The following SPRY3 variants were observed in gnomAD, a reference collection of about 807,000 sequenced individuals.
SPRY3 encodes sprouty RTK signaling antagonist 3.
SPRY3 carries 15 observed loss-of-function variants against 20.2 expected under a neutral mutation model. The observed-to-expected ratio is 0.74, with a 90% CI of 0.50 to 1.14. SPRY3 has a LOEUF of 1.14. Among genes scored for constraint, SPRY3 ranks in the 50% most tolerant of loss-of-function variants. SPRY3 has a pLI of 0.00. For synonymous variants in SPRY3, 143 were observed against 136.5 expected (o/e 1.05, Z -0.33); for missense variants, 364 against 363.9 (o/e 1.00, Z 0.00).
chrX:155,638,734 T>TCCC (rs1557351238), intron 1 of SPRY3, among the ~76,000 whole-genome samples: 3 of 111,170 alleles, frequency 2.7e-5, no homozygotes, highest in Admixed American at 9.6e-5. Flanking sequence ...TTTAAGCCCA[T>TCCC]CAATACGATA....
chrX:155,734,324 G>A (rs966859757), intron 2 of SPRY3, among the ~76,000 whole-genome samples: 4 of 152,022 alleles, frequency 2.6e-5, no homozygotes, highest in African/African-American at 9.7e-5. Flanking sequence ...GCCCTGAGGA[G>A]AAGGAAAGAG....
intron 2 of SPRY3, among the ~76,000 whole-genome samples, chrX:155,721,838 G>A (rs1602963523): frequency 6.6e-6 from 1 of 152,234 alleles, no homozygotes. Context: ...AGAGAAGGAT[G>A]TTAACGAGCA....
At chrX:155,778,839 A>T (rs2091445996), downstream of SPRY3, 1 of 167,076 alleles carries the variant, frequency 6.0e-6, no homozygotes. Flanking sequence ...GAGTGGAATT[A>T]TGACTTTATA....
At chrX:155,635,149 T>G (rs2067919177) in intron 1 of SPRY3, among the ~76,000 whole-genome samples, 1 of 110,485 alleles carries the variant, frequency 9.1e-6, no homozygotes, top group South Asian at 3.9e-4. Flanking sequence ...TGGTTTTTTG[T>G]TTTTGTGTTA....
At chrX:155,754,991 A>G (rs757281125) in intron 2 of SPRY3, among the ~76,000 whole-genome samples, 9 of 151,482 alleles carry the variant, frequency 5.9e-5, no homozygotes, top group Admixed American at 6.6e-5. Context: ...TTAAATAGGG[A>G]ATTTGCTATG....
intron 3 of SPRY3, among the ~76,000 whole-genome samples, chrX:155,770,615 T>C (rs2091374586): frequency 6.9e-6 from 1 of 144,322 alleles, no homozygotes; most frequent in African/African-American, 2.5e-5. Flanking sequence ...TTTAATAATA[T>C]GTGATGTGTA....
intron 3 of SPRY3, among the ~76,000 whole-genome samples, chrX:155,770,763 G>C (rs1218675484): frequency 2.0e-5 from 3 of 152,084 alleles, no homozygotes; most frequent in African/African-American, 7.2e-5. Flanking sequence ...CATTCACGTA[G>C]TGGTACTTTT....
intron 2 of SPRY3, among the ~76,000 whole-genome samples, chrX:155,705,295 A>T (rs1423858882): frequency 6.6e-6 from 1 of 151,510 alleles, no homozygotes; most frequent in African/African-American, 2.4e-5. Flanking sequence ...AAGTAGGAGA[A>T]TAATATTTGC....
chrX:155,721,956 A>T lies in SPRY3; in HGVS notation c.-281-46006A>T, dbSNP rs190456505. On this transcript the variant is annotated intron_variant, in intron 2 of 3. Transcript: ENST00000675360. ...TGGTGTGTAAACTACCCTTGTCCTAAGTAGAAAGAATAAATGATGGACCAA... is the reference window on the plus strand; with the variant it reads ...TGGTGTGTAAACTACCCTTGTCCTATGTAGAAAGAATAAATGATGGACCAA... 2.2e-3 allele frequency among the ~76,000 whole-genome samples: 334 copies of T among 152,060 alleles called. 1 individual carries two copies. The highest frequency in any genetic ancestry group is 7.6e-3 in the African/African-American group (316 of 41,532).
At chrX:155,756,439 G>A (rs1179598069) in intron 2 of SPRY3, among the ~76,000 whole-genome samples, 4 of 152,080 alleles carry the variant, frequency 2.6e-5, no homozygotes, top group Non-Finnish European at 1.5e-5. Flanking sequence ...TACACATCTG[G>A]CATACCACTG....
intron 1 of SPRY3, among the ~76,000 whole-genome samples, chrX:155,639,593 C>A (rs781979282): frequency 8.9e-6 from 1 of 112,235 alleles, no homozygotes; most frequent in East Asian, 2.8e-4. Flanking sequence ...TATGTATACA[C>A]CACATTTTAT....
chrX:155,688,632 T>C (rs1035586743), intron 2 of SPRY3, among the ~76,000 whole-genome samples: 1 of 111,472 alleles, frequency 9.0e-6, no homozygotes, highest in Non-Finnish European at 1.9e-5. Context: ...TCTCTAATGA[T>C]CAGTGATGTT....
intron 3 of SPRY3, 118 bp downstream of exon 2, chrX:155,768,254 G>C (rs938717394): frequency 2.6e-5 from 4 of 151,376 alleles, no homozygotes; most frequent in Non-Finnish European, 3.0e-5. Context: ...CCGCGCGCTT[G>C]GGCGCGCGCG....
At chrX:155,632,264 C>G (rs1038659615) in intron 1 of SPRY3, among the ~76,000 whole-genome samples, 4 of 110,747 alleles carry the variant, frequency 3.6e-5, no homozygotes, top group African/African-American at 1.3e-4. Context: ...CACACTGTAT[C>G]CCCCAAGATG....
At chrX:155,778,883 A>T (rs1170290410), downstream of SPRY3, 1 of 167,070 alleles carries the variant, frequency 6.0e-6, no homozygotes, top group Non-Finnish European at 1.5e-5. Flanking sequence ...TCTTAGCCTC[A>T]GTTTCTTAAA....
chrX:155,756,025 G>T (rs957177828), intron 2 of SPRY3, among the ~76,000 whole-genome samples: 1 of 152,064 alleles, frequency 6.6e-6, no homozygotes, highest in African/African-American at 2.4e-5. Flanking sequence ...GAACTTTATT[G>T]AAGTTTAACA....
chrX:155,713,353 C>T (rs2091000184), intron 2 of SPRY3, among the ~76,000 whole-genome samples: 1 of 152,004 alleles, frequency 6.6e-6, no homozygotes, highest in African/African-American at 2.4e-5. Flanking sequence ...CTTTTTCTTT[C>T]AGATTGAGGT....
intron 2 of SPRY3, among the ~76,000 whole-genome samples, chrX:155,751,964 A>AAAAT (rs2091265490): frequency 6.7e-6 from 1 of 148,872 alleles, no homozygotes; most frequent in Non-Finnish European, 1.5e-5. Context: ...AAAATAAAAT[A>AAAAT]AAATAAAATA....
chrX:155,771,322 A>T (rs1480141211), intron 3 of SPRY3, among the ~76,000 whole-genome samples: 1 of 152,136 alleles, frequency 6.6e-6, no homozygotes, highest in Non-Finnish European at 1.5e-5. Flanking sequence ...ATTAGCTTTC[A>T]ACCTTCTGGG....
Sources: allele counts gnomAD v4.1 joint callset (sites outside exome capture counted in the v4.1 genomes callset), GRCh38; gene constraint gnomAD v4.1.1; transcripts MANE v1.5; gene names NCBI Gene and HGNC (gene_info 2026-07-23, HGNC 2026-07-21).